Variants in TNFSF4 observed in about 807,000 individuals in gnomAD.
TNFSF4 encodes the protein TNF superfamily member 4.
A neutral mutation model predicts 7.3 loss-of-function variants in TNFSF4; 4 were observed. The observed-to-expected ratio is 0.55, with a 90% CI of 0.27 to 1.25. TNFSF4 has a LOEUF of 1.25. Among genes scored for constraint, TNFSF4 ranks in the 50% most tolerant of loss-of-function variants. The pLI is 0.12. For synonymous variants in TNFSF4, 76 were observed against 83.7 expected, an observed-to-expected ratio of 0.91 and a Z score of 0.50; for missense variants, 181 against 208.8, an observed-to-expected ratio of 0.87 and a Z score of 0.82.
chr1:173,202,459 C>G (rs1649987949), intron 1 of TNFSF4, among the ~76,000 whole-genome samples: 1 of 152,162 alleles, frequency 6.6e-6, no homozygotes, highest in Non-Finnish European at 1.5e-5. Flanking sequence ...TGTGGATGAG[C>G]ACTTGACTGC....
chr1:173,357,603 C>T, the TNFSF4 span, among the ~76,000 whole-genome samples: 1 of 152,112 alleles, frequency 6.6e-6, no homozygotes, highest in African/African-American at 2.4e-5. Flanking sequence ...GCAATGTCGG[C>T]TCACTGCAAC....
At chr1:173,297,937 G>A in the TNFSF4 span, among the ~76,000 whole-genome samples, 2 of 151,840 alleles carry the variant, frequency 1.3e-5, no homozygotes, top group South Asian at 2.1e-4. Flanking sequence ...CCAAAACCAA[G>A]GCTGTATCAT....
At chr1:173,259,302 C>A in the TNFSF4 span, among the ~76,000 whole-genome samples, 1 of 144,294 alleles carries the variant, frequency 6.9e-6, no homozygotes, top group Non-Finnish European at 1.5e-5. Context: ...GCAACAACAA[C>A]AACATCAACA....
chr1:173,226,960 C>T, the TNFSF4 span, among the ~76,000 whole-genome samples: 1 of 152,124 alleles, frequency 6.6e-6, no homozygotes, highest in Non-Finnish European at 1.5e-5. Flanking sequence ...TCATTATTAG[C>T]CAGTTCATTA....
the TNFSF4 span, among the ~76,000 whole-genome samples, chr1:173,371,063 G>T: frequency 6.6e-6 from 1 of 152,194 alleles, no homozygotes; most frequent in Non-Finnish European, 1.5e-5. Context: ...GACTGAGGGT[G>T]CCCAGGGCAA....
chr1:173,211,962 G>T (rs1057093930), upstream of TNFSF4, among the ~76,000 whole-genome samples: 5 of 152,156 alleles, frequency 3.3e-5, no homozygotes, highest in Non-Finnish European at 7.4e-5. Flanking sequence ...AGGAAAAAAA[G>T]GTTTATTTGG....
the TNFSF4 span, among the ~76,000 whole-genome samples, chr1:173,271,921 C>T: frequency 3.9e-5 from 6 of 152,240 alleles, no homozygotes; most frequent in East Asian, 9.7e-4. Context: ...CGGCACTATT[C>T]GCAATAGCAA....
At chr1:173,362,683 C>T in the TNFSF4 span, 1 of 413,580 alleles carries the variant, frequency 2.4e-6, no homozygotes, top group African/African-American at 2.1e-5. Flanking sequence ...CTGACAATTC[C>T]TCATTAATGC....
chr1:173,395,734 G>A, the TNFSF4 span, among the ~76,000 whole-genome samples: 1 of 152,074 alleles, frequency 6.6e-6, no homozygotes, highest in South Asian at 2.1e-4. Flanking sequence ...CATAAAGTAG[G>A]AAAGTGTAGA....
chr1:173,369,862 C>T, the TNFSF4 span, among the ~76,000 whole-genome samples: 3 of 151,778 alleles, frequency 2.0e-5, no homozygotes, highest in Non-Finnish European at 2.9e-5. Flanking sequence ...AAGGAGAATA[C>T]ACACTATGCA....
At chr1:173,359,716 T>A in the TNFSF4 span, among the ~76,000 whole-genome samples, 1 of 96,226 alleles carries the variant, frequency 1.0e-5, no homozygotes, top group African/African-American at 3.4e-5. Flanking sequence ...CTAAACCTTA[T>A]ACTTTCTTAA....
At chr1:173,177,522 C>A in the TNFSF4 span, among the ~76,000 whole-genome samples, 5 of 152,104 alleles carry the variant, frequency 3.3e-5, no homozygotes, top group Admixed American at 6.5e-5. Context: ...AATCTGTATA[C>A]CAAACTTCCA....
chr1:173,341,382 A>C, the TNFSF4 span, among the ~76,000 whole-genome samples: 1 of 152,194 alleles, frequency 6.6e-6, no homozygotes, highest in Non-Finnish European at 1.5e-5. Flanking sequence ...ATTTGAAAAG[A>C]GACAGCAGGT....
At chr1:173,358,189 T>C in the TNFSF4 span, among the ~76,000 whole-genome samples, 1 of 151,988 alleles carries the variant, frequency 6.6e-6, no homozygotes, top group African/African-American at 2.4e-5. Flanking sequence ...ACCAAGGAAT[T>C]TGGGCAGCTT....
At chr1:173,177,548 C>G in the TNFSF4 span, among the ~76,000 whole-genome samples, 2 of 152,236 alleles carry the variant, frequency 1.3e-5, no homozygotes, top group East Asian at 3.9e-4. Context: ...CACAATTTAC[C>G]TATATAACAA....
At chr1:173,416,149 G>A in the TNFSF4 span, among the ~76,000 whole-genome samples, 407 of 152,332 alleles carry the variant, frequency 2.7e-3, 4 homozygotes, top group African/African-American at 8.1e-3. Context: ...GGCAGGGTCT[G>A]TCGGTGAGAT....
chr1:173,305,439 A>G, the TNFSF4 span, among the ~76,000 whole-genome samples: 1 of 151,782 alleles, frequency 6.6e-6, no homozygotes, highest in African/African-American at 2.4e-5. Context: ...CCCCAGATAA[A>G]CTTTTCCGTT....
Position 173,184,092 on chromosome 1 carries a change from A to G in TNFSF4, c.*2424T>C, listed in dbSNP as rs952191070. 6.6e-5 allele frequency: 10 copies of G among 152,246 alleles called. No homozygotes were observed. The highest frequency in any genetic ancestry group is 3.3e-4 in the Admixed American group (5 of 15,286). 9.4% of individuals were successfully genotyped at this position (152,246 alleles called of 1,614,324 possible). A position where few individuals can be genotyped will look rare whatever the true frequency, so the allele number is the denominator to read the frequency against. ...AGCAACAAGAACATAGACATTTAAT[A>G]TGTGCATTCACAGATAACACTGTAA... On this transcript the variant is annotated 3_prime_UTR_variant, in exon 3 of 3. Transcript: ENST00000281834.
chr1:173,327,258 C>A, the TNFSF4 span, among the ~76,000 whole-genome samples: 11 of 152,138 alleles, frequency 7.2e-5, no homozygotes, highest in African/African-American at 2.4e-4. Flanking sequence ...CAAAAACAAG[C>A]AATGGGGAAA....
Sources: gnomAD v4.1 joint callset for allele counts (sites outside exome capture counted in the v4.1 genomes callset) on GRCh38, gnomAD v4.1.1 for gene constraint, MANE v1.5 for transcripts, NCBI Gene and HGNC (gene_info 2026-07-23, HGNC 2026-07-21) for gene names.